The following MAK variants were observed in gnomAD, a reference collection of about 807,000 sequenced individuals.
MAK encodes male germ cell associated kinase.
In MAK, 65 loss-of-function variants were observed where a neutral mutation model predicts 82.6. The observed-to-expected ratio is 0.79, with a 90% CI of 0.64 to 0.97. The LOEUF is 0.97. MAK is among the 50% of genes least tolerant of loss of function. The pLI, the probability that MAK is intolerant of heterozygous loss-of-function variation, is 0.00. For missense variants in MAK, 703 were observed against 780.2 expected, an observed-to-expected ratio of 0.90 and a Z score of 1.18; for synonymous variants, 250 against 274.2, an observed-to-expected ratio of 0.91 and a Z score of 0.87.
At chr6:10,792,337 AG>A (rs1329966198) in intron 9 of MAK, among the ~76,000 whole-genome samples, 1 of 152,228 alleles carries the variant, frequency 6.6e-6, no homozygotes, top group Non-Finnish European at 1.5e-5. Context: ...CCACCTGCTC[AG>A]GGTGGTGGAG....
chr6:10,770,535 G>A (rs1403022963), intron 13 of MAK, among the ~76,000 whole-genome samples: 1 of 152,078 alleles, frequency 6.6e-6, no homozygotes, highest in African/African-American at 2.4e-5. Context: ...CCCTGAACAC[G>A]CCAGGCTTTC....
At chr6:10,832,153 T>G (rs1277898197) in intron 1 of MAK, among the ~76,000 whole-genome samples, 1 of 152,174 alleles carries the variant, frequency 6.6e-6, no homozygotes, top group African/African-American at 2.4e-5. Flanking sequence ...ACCTGGCTAA[T>G]TTTTGTATTT....
At chr6:10,792,144 C>T (rs1034133403) in intron 9 of MAK, among the ~76,000 whole-genome samples, 2 of 42,562 alleles carry the variant, frequency 4.7e-5, no homozygotes, top group Non-Finnish European at 3.9e-5. Flanking sequence ...TGAGACTTGG[C>T]TATGCTCTTT....
intron 5 of MAK, among the ~76,000 whole-genome samples, chr6:10,811,864 A>C (rs1200819610): frequency 6.6e-6 from 1 of 152,184 alleles, no homozygotes; most frequent in African/African-American, 2.4e-5. Flanking sequence ...GAAGGCAAAT[A>C]ATTCCTGTAG....
intron 2 of MAK, among the ~76,000 whole-genome samples, chr6:10,819,278 T>C (rs918625145): frequency 4.6e-5 from 7 of 152,232 alleles, no homozygotes; most frequent in African/African-American, 9.6e-5. Flanking sequence ...TAAAGTTAAA[T>C]GTCTCCCTAC....
At chr6:10,793,000 A>G (rs1336072346) in intron 9 of MAK, among the ~76,000 whole-genome samples, 3 of 152,218 alleles carry the variant, frequency 2.0e-5, no homozygotes, top group Non-Finnish European at 4.4e-5. Flanking sequence ...AATATCAGTG[A>G]TATGCAAGAA....
Position 10,796,040 on chromosome 6 carries a change from C to A in MAK, c.1101G>T (p.Pro367=). 1.2e-6 allele frequency: 2 copies of A among 1,614,008 alleles called. No individual in the cohort carries two copies. Among genetic ancestry groups the A allele is most frequent in the Non-Finnish European group, 1.7e-6 (2 of 1,179,922 alleles). ...QPPKQQSQEK[P]PQTLFPSIVK... ...CGATGCTCGGGAATAGCGTTTGTGG[C>A]GGTTTCTCCTGACTCTGTTGCTTTG... is the stretch of plus-strand genomic sequence containing the variant. Residue 367 remains proline, a synonymous_variant, in exon 9 of 15, where the codon CCG becomes CCT. Coordinates refer to ENST00000354489, the MANE Select transcript of MAK (RefSeq NM_001242957.3).
At chr6:10,810,106 AAAAAAAAAAG>A (rs1384768082) in intron 5 of MAK, among the ~76,000 whole-genome samples, 1 of 138,556 alleles carries the variant, frequency 7.2e-6, no homozygotes, top group African/African-American at 2.8e-5. Flanking sequence ...TCAAAAAAAA[AAAAAAAAAAG>A]AAAGAAAAGA....
At chr6:10,784,027 C>CA (rs1774284717) in intron 11 of MAK, among the ~76,000 whole-genome samples, 1 of 150,748 alleles carries the variant, frequency 6.6e-6, no homozygotes, top group Admixed American at 6.6e-5. Flanking sequence ...TCAAAAAAAA[C>CA]AAAAAAACAA....
At chr6:10,764,651 T>C (rs776507989) in intron 14 of MAK, 45 bp from the exon 15 acceptor site, 1 of 1,551,592 alleles carries the variant, frequency 6.4e-7, no homozygotes, top group Non-Finnish European at 8.9e-7. Flanking sequence ...CTCATTTGCT[T>C]ATCAAACTCA....
chr6:10,779,535 C>T (rs1305360424), intron 11 of MAK: 1 of 967,464 alleles, frequency 1.0e-6, no homozygotes, highest in African/African-American at 1.8e-5. Flanking sequence ...CTCCCAGAAT[C>T]CTAAAAGTCG....
intron 10 of MAK, among the ~76,000 whole-genome samples, chr6:10,788,452 C>T (rs908959072): frequency 3.3e-5 from 5 of 152,118 alleles, no homozygotes; most frequent in Admixed American, 2.0e-4. Flanking sequence ...TTTCAAGTCG[C>T]CAGGTGCGGT....
chr6:10,775,547 A>G (rs1404421934), intron 11 of MAK, 88 bp from the exon 12 acceptor site: 7 of 1,398,588 alleles, frequency 5.0e-6, no homozygotes, highest in Non-Finnish European at 6.0e-6. Flanking sequence ...CAAAGACTAG[A>G]GACACCTTGG....
At chr6:10,820,284 T>C (rs1212370734) in intron 2 of MAK, among the ~76,000 whole-genome samples, 2 of 152,168 alleles carry the variant, frequency 1.3e-5, no homozygotes, top group African/African-American at 4.8e-5. Context: ...AGCTTAGCGT[T>C]GTCTTTATTA....
chr6:10,785,132 T>A (rs181961540), intron 10 of MAK, among the ~76,000 whole-genome samples: 3 of 152,288 alleles, frequency 2.0e-5, no homozygotes, highest in Admixed American at 1.3e-4. Context: ...GCTAGCTGTT[T>A]AGTGGTGTTT....
chr6:10,774,357 A>C lies in MAK; in HGVS notation c.1597+971T>G, dbSNP rs143648477. 2.4e-3 allele frequency among the ~76,000 whole-genome samples: 358 copies of C among 152,280 alleles called. 1 individual carries two copies. The highest frequency in any genetic ancestry group is 8.1e-3 in the African/African-American group (338 of 41,552). The stretch of plus-strand genomic sequence containing the variant: ...TAAGTTTTTTGCAAACACATCTCTT[A>C]ATGAGAAAGGTGGGGTTATTTTCAA... On this transcript the variant is annotated intron_variant, in intron 12 of 14. Coordinates refer to ENST00000354489, the MANE Select transcript of MAK (RefSeq NM_001242957.3).
chr6:10,777,940 A>G (rs1442206987), intron 11 of MAK, among the ~76,000 whole-genome samples: 1 of 152,148 alleles, frequency 6.6e-6, no homozygotes, highest in African/African-American at 2.4e-5. Flanking sequence ...GCCTGGCCTC[A>G]AGGTCTATTT....
Position 10,776,548 on chromosome 6 carries a change from A to T in MAK, c.1466-1089T>A, listed in dbSNP as rs555033839. Among the ~76,000 whole-genome samples the T allele has an allele frequency of 5.9e-5, 9 of 152,288 alleles. No individual in the cohort carries two copies. The South Asian group carries it at 1.7e-3, about 28-fold the overall frequency. On this transcript the variant is annotated intron_variant, in intron 11 of 14. Coordinates refer to ENST00000354489, the MANE Select transcript of MAK (RefSeq NM_001242957.3). This position sits in a 1 kb window ranked among gnomAD's most constrained non-coding sequence, Gnocchi z 4.3. ...TGTAGAAATCATCACTGAGGACTCC[A>T]CTGATTTAGGAAGTCAGAACTGTCT...
chr6:10,784,326 T>C, intron 11 of MAK, 98 bp downstream of exon 11: 4 of 1,286,274 alleles, frequency 3.1e-6, no homozygotes, highest in Non-Finnish European at 4.5e-6. Flanking sequence ...ATTAGATTTT[T>C]TGCTTCACTG....
Sources: gnomAD v4.1 joint callset for allele counts (sites outside exome capture counted in the v4.1 genomes callset) on GRCh38, gnomAD v4.1.1 for gene constraint, Gnocchi (gnomAD v3.1) non-coding constraint, MANE v1.5 for transcripts, NCBI Gene and HGNC (gene_info 2026-07-23, HGNC 2026-07-21) for gene names.